SLIT3: variants seen among roughly 807,000 people sequenced by gnomAD.
SLIT3 encodes the protein slit guidance ligand 3.
SLIT3 carries 68 observed loss-of-function variants against 184.0 expected under a neutral mutation model. The observed-to-expected ratio is 0.37, with a 90% CI of 0.30 to 0.45. The LOEUF (loss-of-function observed/expected upper bound fraction) is 0.45. Ranked by LOEUF, SLIT3 falls within the 20% of genes least tolerant of loss-of-function variation. The pLI is 1.00. For missense variants in SLIT3, 1,707 were observed against 2,026.0 expected (o/e 0.84, Z 3.02); for synonymous variants, 831 against 828.6 (o/e 1.00, Z -0.05).
chr5:168,734,058 A>G (rs868746430), intron 20 of SLIT3, among the ~76,000 whole-genome samples: 41 of 152,182 alleles, frequency 2.7e-4, no homozygotes, highest in African/African-American at 8.9e-4. Context: ...CTGAGGGCTG[A>G]AAAACTACCT....
chr5:169,030,494 G>C (rs1172838731), intron 4 of SLIT3: 1 of 152,212 alleles, frequency 6.6e-6, no homozygotes, highest in Non-Finnish European at 1.5e-5. Context: ...CGCAGGCGGA[G>C]ATCTATTATA....
At chr5:168,902,643 C>A (rs968915854) in intron 4 of SLIT3, among the ~76,000 whole-genome samples, 3 of 152,198 alleles carry the variant, frequency 2.0e-5, no homozygotes, top group Non-Finnish European at 4.4e-5. Flanking sequence ...CAGATCTAAT[C>A]TCAGCTGTTC....
chr5:168,854,370 G>C (rs1282072208), intron 5 of SLIT3, among the ~76,000 whole-genome samples: 5 of 149,590 alleles, frequency 3.3e-5, no homozygotes, highest in African/African-American at 1.2e-4. Context: ...GGGGGGAGCA[G>C]CACACTCAAC....
intron 4 of SLIT3, among the ~76,000 whole-genome samples, chr5:169,103,729 C>A (rs1760101365): frequency 6.6e-6 from 1 of 152,188 alleles, no homozygotes; most frequent in African/African-American, 2.4e-5. Context: ...GCCTGGCATC[C>A]CCCTCCCACC....
intron 4 of SLIT3, among the ~76,000 whole-genome samples, chr5:168,898,348 C>T (rs1028420909): frequency 1.3e-5 from 2 of 151,814 alleles, no homozygotes; most frequent in African/African-American, 4.8e-5. Flanking sequence ...AAGTGGTCCC[C>T]CGGGATGTCA....
At chr5:169,004,491 C>G (rs148399505) in intron 4 of SLIT3, among the ~76,000 whole-genome samples, 3 of 152,174 alleles carry the variant, frequency 2.0e-5, no homozygotes, top group African/African-American at 7.2e-5. Flanking sequence ...TTCCTCCAAG[C>G]GCTGAGTATG....
At chr5:169,044,490 C>T (rs1346197813) in intron 4 of SLIT3, among the ~76,000 whole-genome samples, 1 of 150,902 alleles carries the variant, frequency 6.6e-6, no homozygotes, top group Non-Finnish European at 1.5e-5. Context: ...ACATAAAAGG[C>T]CACATACTGC....
At chr5:168,917,825 G>C (rs1273151046) in intron 4 of SLIT3, among the ~76,000 whole-genome samples, 1 of 152,182 alleles carries the variant, frequency 6.6e-6, no homozygotes, top group Non-Finnish European at 1.5e-5. Flanking sequence ...CAGGCTGAAA[G>C]GGTTAGCTTT....
In SLIT3 at chr5:169,193,491, T is replaced by A; in HGVS notation, c.401A>T (p.Lys134Met). ...CAACTCTACTCACAGTCTGGTGAGCTTCGGCGTGCTCTGGAAAAGCAATTC... is the reference window on the plus strand; with the variant it reads ...CAACTCTACTCACAGTCTGGTGAGCATCGGCGTGCTCTGGAAAAGCAATTC... Reference protein sequence around the residue: ...LPELLFQSTPKLTRLDLSENQ... With the variant: ...LPELLFQSTPMLTRLDLSENQ... Residue 134 changes from lysine (K) to methionine (M), a missense_variant, in exon 4 of 36, where the codon AAG becomes ATG. Lys to Met is a moderately conservative substitution (Grantham distance 95). Transcript: ENST00000519560. 1 of 1,613,976 alleles carries A rather than the reference T, an allele frequency of 6.2e-7. No individual in the cohort carries two copies. The highest frequency in any genetic ancestry group is 1.1e-5 in the South Asian group (1 of 91,076).
chr5:168,967,682 C>T (rs535132007), intron 4 of SLIT3, among the ~76,000 whole-genome samples: 8 of 139,868 alleles, frequency 5.7e-5, no homozygotes, highest in South Asian at 2.3e-4. Flanking sequence ...CCTCGTGATC[C>T]GCCCGCCTCG....
chr5:168,783,305 G>T, intron 12 of SLIT3, among the ~76,000 whole-genome samples: 1 of 152,096 alleles, frequency 6.6e-6, no homozygotes, highest in East Asian at 1.9e-4. Context: ...TCTCCAGAAT[G>T]GCCAAGAATT....
rs569365352 is a variant in SLIT3 at position 169,067,417 on chromosome 5, AAAC to A, written c.413+126059_413+126061del. ...CGAGACTCCACCTCAAAAAAAAATAAAACAACAACAAAAAAGAATGAAGAATAA... is the reference window on the plus strand; with the variant it reads ...CGAGACTCCACCTCAAAAAAAAATAAAACAACAAAAAAGAATGAAGAATAA... On this transcript the variant is annotated intron_variant, in intron 4 of 35. Coordinates refer to ENST00000519560, the MANE Select transcript of SLIT3 (RefSeq NM_003062.4). Among the ~76,000 whole-genome samples the A allele has an allele frequency of 3.9e-3, 594 of 152,216 alleles. 4 individuals carry two copies. Among genetic ancestry groups the A allele is most frequent in the African/African-American group, 0.014 (567 of 41,508 alleles).
At chr5:168,820,260 A>G (rs1188363702) in intron 7 of SLIT3, among the ~76,000 whole-genome samples, 1 of 152,088 alleles carries the variant, frequency 6.6e-6, no homozygotes, top group African/African-American at 2.4e-5. Flanking sequence ...AGAGGCTCTT[A>G]TCCCCCTTCT....
intron 1 of SLIT3, among the ~76,000 whole-genome samples, chr5:169,297,241 C>T (rs1767531483): frequency 6.6e-6 from 1 of 152,128 alleles, no homozygotes; most frequent in African/African-American, 2.4e-5. Flanking sequence ...GAAAAATTGT[C>T]AGTAGTTTAT....
At chr5:168,732,075 T>C (rs1446495707) in intron 20 of SLIT3, among the ~76,000 whole-genome samples, 1 of 152,088 alleles carries the variant, frequency 6.6e-6, no homozygotes, top group African/African-American at 2.4e-5. Flanking sequence ...ACTGTTAGAC[T>C]TAATAAATGA....
chr5:169,112,416 C>T (rs1023836584), intron 4 of SLIT3, among the ~76,000 whole-genome samples: 3 of 152,190 alleles, frequency 2.0e-5, no homozygotes, highest in Non-Finnish European at 4.4e-5. Flanking sequence ...TCTTTTCTCA[C>T]TCATCAGAGA....
chr5:169,201,363 A>G (rs1404741418), intron 3 of SLIT3, among the ~76,000 whole-genome samples: 2 of 152,230 alleles, frequency 1.3e-5, no homozygotes, highest in African/African-American at 2.4e-5. Flanking sequence ...AAAATAACCT[A>G]AAGATTATTT....
At position 168,772,953 on chromosome 5, in the gene SLIT3, G is replaced by C. The variant is rs1376519681; in HGVS notation, c.1296-9C>G. On this transcript the variant is annotated splice_polypyrimidine_tract_variant and intron_variant, in intron 13 of 35. Coordinates refer to ENST00000519560, the MANE Select transcript of SLIT3 (RefSeq NM_003062.4). The stretch of plus-strand genomic sequence containing the variant: ...GGTTTTGGGCTAAGTGGCTGCGAGA[G>C]GGATGGGGCCGTTAATCAGGAGTGA... 3.8e-6 allele frequency: 6 copies of C among 1,588,514 alleles called. No individual in the cohort carries two copies. The African/African-American group carries it at 6.7e-5, about 18-fold the overall frequency.
chr5:168,725,324 T>C (rs1763073696), intron 20 of SLIT3, among the ~76,000 whole-genome samples: 1 of 152,204 alleles, frequency 6.6e-6, no homozygotes, highest in South Asian at 2.1e-4. Context: ...AATTATGTAA[T>C]CATGAATTAC....
Sources: gnomAD v4.1 joint callset for allele counts (sites outside exome capture counted in the v4.1 genomes callset) on GRCh38, gnomAD v4.1.1 for gene constraint, MANE v1.5 for transcripts, NCBI Gene and HGNC (gene_info 2026-07-23, HGNC 2026-07-21) for gene names.